Variants in CABP1 observed in about 807,000 individuals in gnomAD.
CABP1 encodes calcium binding protein 1.
In CABP1, 17 loss-of-function variants were observed where a neutral mutation model predicts 34.3. The observed-to-expected ratio is 0.50, with a 90% CI of 0.34 to 0.74. The LOEUF (loss-of-function observed/expected upper bound fraction) is 0.74. Ranked by LOEUF, CABP1 falls within the 30% of genes least tolerant of loss-of-function variation. The pLI is 0.01. For missense variants in CABP1, 373 were observed against 511.1 expected, an observed-to-expected ratio of 0.73 and a Z score of 2.61; for synonymous variants, 198 against 229.2, an observed-to-expected ratio of 0.86 and a Z score of 1.23.
At position 120,666,866 on chromosome 12, in the gene CABP1, C is replaced by T; in HGVS notation, c.1088-9C>T. ...TGCTTGCTCCCCAGCTGCTCCTCTA[C>T]CCTTCTAGAGTTTGTCCGGATGATG... On this transcript the variant is annotated splice_polypyrimidine_tract_variant and intron_variant, in intron 5 of 5. Transcript: ENST00000316803. The T allele has an allele frequency of 1.9e-6, 3 of 1,605,216 alleles. No individual in the cohort carries two copies. The highest frequency in any genetic ancestry group is 2.5e-6 in the Non-Finnish European group (3 of 1,178,200).
chr12:120,660,093 C>T lies in CABP1; in HGVS notation c.686-103C>T. Reference sequence around the variant, plus strand: ...AATGCCCCAGCATCCTGGGAAGCTCCTGGGCCTCTCTTTCCATGCCGGTGG... The same window carrying T: ...AATGCCCCAGCATCCTGGGAAGCTCTTGGGCCTCTCTTTCCATGCCGGTGG... On this transcript the variant is annotated intron_variant, in intron 2 of 5. Coordinates refer to ENST00000316803, the MANE Select transcript of CABP1 (RefSeq NM_001033677.2). The surrounding 1 kb of genome is among the most constrained non-coding windows in gnomAD (Gnocchi z 5.0). 6.8e-7 allele frequency: 1 copy of T among 1,478,048 alleles called. No individual in the cohort carries two copies. Among genetic ancestry groups the T allele is most frequent in the South Asian group, 1.2e-5 (1 of 80,320 alleles). 91.6% of individuals were successfully genotyped at this position (1,478,048 alleles called of 1,614,324 possible).
chr12:120,666,332 A>G (rs1880981744), intron 5 of CABP1, among the ~76,000 whole-genome samples: 1 of 150,360 alleles, frequency 6.7e-6, no homozygotes, highest in Admixed American at 6.6e-5. Flanking sequence ...AAATTAGCCA[A>G]GCGTGGTAGT....
Position 120,661,649 on chromosome 12 carries a change from CCGTCCATCCATT to C in CABP1, c.1087+436_1087+447del, listed in dbSNP as rs1259282284. The C allele has an allele frequency of 1.4e-5, 2 of 147,614 alleles. No individual in the cohort carries two copies. Among genetic ancestry groups the C allele is most frequent in the Non-Finnish European group, 3.0e-5 (2 of 65,604 alleles). 9.1% of individuals were successfully genotyped at this position (147,614 alleles called of 1,614,324 possible). Reference sequence around the variant, plus strand: ...TCCATCCATTTATCCATCCATCCATCCGTCCATCCATTCGTCTACATATCTATCCATCCATCC... The same window carrying C: ...TCCATCCATTTATCCATCCATCCATCCGTCTACATATCTATCCATCCATCC... On this transcript the variant is annotated intron_variant, in intron 5 of 5. Coordinates refer to ENST00000316803, the MANE Select transcript of CABP1 (RefSeq NM_001033677.2). The surrounding 1 kb of genome is among the most constrained non-coding windows in gnomAD (Gnocchi z 5.1).
At position 120,647,241 on chromosome 12, in the gene CABP1, C is replaced by T. The variant is rs565323992; in HGVS notation, c.654+5902C>T. Among the ~76,000 whole-genome samples the T allele has an allele frequency of 2.0e-5, 3 of 152,260 alleles. No individual in the cohort carries two copies. In the South Asian group the frequency reaches 6.2e-4, roughly 32 times the overall value. On this transcript the variant is annotated intron_variant, in intron 1 of 5. Transcript: ENST00000316803. ...TCTAGATGCTTGGCACAGTGCCAAG[C>T]CCTTTGCATGTATTATCTCATTAGC... is the stretch of plus-strand genomic sequence containing the variant.
intron 5 of CABP1, among the ~76,000 whole-genome samples, 179 bp from the exon 6 acceptor site, chr12:120,666,696 G>A (rs1050663701): frequency 3.3e-5 from 5 of 152,152 alleles, no homozygotes; most frequent in Non-Finnish European, 5.9e-5. Context: ...TTACGCAGCG[G>A]TCAGATCCGC....
At chr12:120,644,830 A>G (rs1879476656) in intron 1 of CABP1, among the ~76,000 whole-genome samples, 1 of 152,156 alleles carries the variant, frequency 6.6e-6, no homozygotes, top group Non-Finnish European at 1.5e-5. Context: ...TTTGAGACAC[A>G]GTGTCACTCT....
chr12:120,665,627 T>C (rs912212721), intron 5 of CABP1, among the ~76,000 whole-genome samples: 16 of 151,914 alleles, frequency 1.1e-4, no homozygotes, highest in Admixed American at 5.3e-4. Context: ...TGGGATGTGG[T>C]TGGTGTGGGA....
chr12:120,664,925 A>G (rs150884654), intron 5 of CABP1, among the ~76,000 whole-genome samples: 12 of 152,008 alleles, frequency 7.9e-5, no homozygotes, highest in African/African-American at 2.7e-4. Context: ...CTAGTCATGA[A>G]AAGACATGGT....
the CABP1 span, among the ~76,000 whole-genome samples, chr12:120,672,360 T>C: frequency 6.6e-6 from 1 of 152,102 alleles, no homozygotes; most frequent in East Asian, 1.9e-4. Context: ...GGGCCGGGCA[T>C]GGTGGCTCAC....
chr12:120,649,255 G>C (rs1220589872), intron 1 of CABP1, among the ~76,000 whole-genome samples: 1 of 152,112 alleles, frequency 6.6e-6, no homozygotes, highest in East Asian at 1.9e-4. Context: ...GGAGTTCTGA[G>C]CAGCCCCCCC....
chr12:120,648,650 G>A (rs1385580690), intron 1 of CABP1, among the ~76,000 whole-genome samples: 1 of 152,054 alleles, frequency 6.6e-6, no homozygotes, highest in East Asian at 1.9e-4. Context: ...GGAGGCCAAG[G>A]CAGGTGGATC....
chr12:120,667,062 G>A lies in CABP1; in HGVS notation c.*162G>A, dbSNP rs1173367008. On this transcript the variant is annotated 3_prime_UTR_variant, in exon 6 of 6. Transcript: ENST00000316803. ...GCCCACCCCGGACCCCCACCCCTCC[G>A]CACTGTGAAAGACTAACTCCTGCAA... 2.8e-6 allele frequency: 2 copies of A among 725,794 alleles called. No homozygotes were observed. Among genetic ancestry groups the A allele is most frequent in the Non-Finnish European group, 2.1e-6 (1 of 466,486 alleles). The allele number at this position is 725,794 out of a possible 1,614,324, so 45.0% of individuals were successfully genotyped here.
the CABP1 span, among the ~76,000 whole-genome samples, chr12:120,678,123 T>G: frequency 6.6e-6 from 1 of 152,198 alleles, no homozygotes; most frequent in African/African-American, 2.4e-5. Context: ...ACCACCCACC[T>G]CAGAGTTTCA....
At chr12:120,656,031 C>T in intron 1 of CABP1, 1 of 1,610,158 alleles carries the variant, frequency 6.2e-7, no homozygotes, top group Non-Finnish European at 8.5e-7. Context: ...GGACCAGGAG[C>T]CAGGCTGGGC....
chr12:120,662,684 CTTTT>C (rs34243939), intron 5 of CABP1, among the ~76,000 whole-genome samples: 6 of 127,198 alleles, frequency 4.7e-5, no homozygotes, highest in Non-Finnish European at 5.0e-5. Context: ...TTATCCTGTT[CTTTT>C]TTTTTTTTTT....
At chr12:120,659,960 T>C in intron 2 of CABP1, 52 bp downstream of exon 2, 1 of 1,579,786 alleles carries the variant, frequency 6.3e-7, no homozygotes, top group Non-Finnish European at 8.7e-7. Flanking sequence ...TAGGAAGGTG[T>C]GGGAAGGGAG....
chr12:120,673,146 G>C, the CABP1 span, among the ~76,000 whole-genome samples: 1 of 152,158 alleles, frequency 6.6e-6, no homozygotes, highest in African/African-American at 2.4e-5. Context: ...ATTGCAAAGG[G>C]GCACAGAGAG....
intron 1 of CABP1, among the ~76,000 whole-genome samples, chr12:120,642,604 A>G (rs1879386628): frequency 6.6e-6 from 1 of 151,922 alleles, no homozygotes; most frequent in Admixed American, 6.6e-5. Context: ...TCTGGAGTAG[A>G]GATGTGGATG....
chr12:120,656,329 G>A (rs1880213895), intron 1 of CABP1: 6 of 1,451,640 alleles, frequency 4.1e-6, no homozygotes, highest in Non-Finnish European at 5.5e-6. Context: ...GCGTGAGGAG[G>A]TGCTGGGATG....
Sources: allele counts gnomAD v4.1 joint callset (sites outside exome capture counted in the v4.1 genomes callset), GRCh38; gene constraint gnomAD v4.1.1; non-coding constraint Gnocchi (gnomAD v3.1); transcripts MANE v1.5; gene names NCBI Gene and HGNC (gene_info 2026-07-23, HGNC 2026-07-21).